The following SRP68 variants were observed in gnomAD, a reference collection of about 807,000 sequenced individuals.
SRP68 encodes signal recognition particle 68, also known as signal recognition particle subunit SRP68.
In SRP68, 15 loss-of-function variants were observed where a neutral mutation model predicts 82.2. That is an observed-to-expected ratio of 0.18 (90% CI 0.12 to 0.28). The LOEUF is 0.28. Ranked by LOEUF, SRP68 falls within the 10% of genes least tolerant of loss-of-function variation. The pLI, the probability that SRP68 is intolerant of heterozygous loss-of-function variation, is 1.00. For synonymous variants in SRP68, 261 were observed against 292.6 expected, an observed-to-expected ratio of 0.89 and a Z score of 1.10; for missense variants, 595 against 780.5, an observed-to-expected ratio of 0.76 and a Z score of 2.83.
In SRP68 at chr17:76,060,386, G is replaced by C; in HGVS notation, c.759C>G (p.Asp253Glu). Reference sequence around the variant, plus strand: ...GCATGAGTTCATTGATGGCTGACTGGTCCCCTAAGAGAGAAAGACAGGAAA... The same window carrying C: ...GCATGAGTTCATTGATGGCTGACTGCTCCCCTAAGAGAGAAAGACAGGAAA... ...NIRYCAYNIG[D>E]QSAINELMQM... The change falls in exon 7 of 16, where the codon GAC (aspartate) becomes GAG (glutamate). Residue 253 changes from aspartate (D) to glutamate (E), a missense_variant. Asp to Glu is a conservative substitution (Grantham distance 45). Around this residue, in one of 2 missense-constraint regions of SRP68, gnomAD observed 495 missense variants for 688.6 expected, o/e 0.72. Coordinates refer to ENST00000307877, the MANE Select transcript of SRP68 (RefSeq NM_014230.4). The C allele has an allele frequency of 6.2e-7, 1 of 1,611,452 alleles. No homozygotes were observed. The highest frequency in any genetic ancestry group is 8.5e-7 in the Non-Finnish European group (1 of 1,179,004).
In SRP68 at chr17:76,060,322, C is replaced by T. The variant is rs1213180559; in HGVS notation, c.823G>A (p.Ala275Thr). The change falls in exon 7 of 16, where the codon GCT becomes ACT. Residue 275 changes from alanine (A) to threonine (T), a missense_variant. By Grantham distance (58) the Ala-to-Thr change is moderately conservative (BLOSUM62 0). Around this residue, in one of 2 missense-constraint regions of SRP68, gnomAD observed 495 missense variants for 688.6 expected, o/e 0.72. Transcript: ENST00000307877. ...LRSGGTEGLLAEKLEALITQT... is the reference protein window; with the variant it reads ...LRSGGTEGLLTEKLEALITQT... Reference sequence around the variant, plus strand: ...TACTAGATTACCTCCAATTTTTCAGCCAAGAGACCCTCAGTGCCCCCAGAC... The same window carrying T: ...TACTAGATTACCTCCAATTTTTCAGTCAAGAGACCCTCAGTGCCCCCAGAC... The T allele has an allele frequency of 6.2e-7, 1 of 1,610,310 alleles. No homozygotes were observed. The highest frequency in any genetic ancestry group is 1.7e-5 in the Admixed American group (1 of 59,310).
chr17:76,065,873 C>A (rs1253421688), intron 3 of SRP68, among the ~76,000 whole-genome samples: 1 of 151,550 alleles, frequency 6.6e-6, no homozygotes, highest in East Asian at 1.9e-4. Flanking sequence ...AGATGAAAGT[C>A]AATGAGGTTC....
rs552142938 is a variant in SRP68 at position 76,042,028 on chromosome 17, C to T, written c.1525-1050G>A. Among the ~76,000 whole-genome samples the T allele has an allele frequency of 2.4e-3, 369 of 152,136 alleles. 2 individuals carry two copies. The highest frequency in any genetic ancestry group is 5.7e-3 in the African/African-American group (236 of 41,548). On this transcript the variant is annotated intron_variant, in intron 13 of 15. Transcript: ENST00000307877. ...CCTCCCGAGTAGCTGGGACCACAGG[C>T]GCCTGCCACCATGCCCGGCTAATTT...
At chr17:76,064,241 T>A in intron 3 of SRP68, 70 bp from the exon 4 acceptor site, 1 of 1,408,030 alleles carries the variant, frequency 7.1e-7, no homozygotes, top group Non-Finnish European at 9.8e-7. Flanking sequence ...TGAGGTGTAA[T>A]CTTCGGCTTC....
At chr17:76,049,964 T>C (rs987111277) in intron 9 of SRP68, among the ~76,000 whole-genome samples, 17 of 152,010 alleles carry the variant, frequency 1.1e-4, no homozygotes, top group Non-Finnish European at 2.2e-4. Context: ...TAGGAGACCT[T>C]TGCGGTTGCC....
At chr17:76,058,569 T>C (rs940064882) in intron 7 of SRP68, among the ~76,000 whole-genome samples, 3 of 152,206 alleles carry the variant, frequency 2.0e-5, no homozygotes, top group African/African-American at 7.2e-5. Flanking sequence ...CCAATTTCTA[T>C]TTGTTTTAAA....
chr17:76,042,045 G>A (rs1051194126), intron 13 of SRP68, among the ~76,000 whole-genome samples: 1 of 151,920 alleles, frequency 6.6e-6, no homozygotes, highest in Non-Finnish European at 1.5e-5. Context: ...CACCATGCCC[G>A]GCTAATTTTT....
chr17:76,060,490 C>T, intron 6 of SRP68, 100 bp from the exon 7 acceptor site: 2 of 752,730 alleles, frequency 2.7e-6, no homozygotes, highest in Admixed American at 2.4e-5. Flanking sequence ...CCTCCACATG[C>T]TACTTCAATG....
At chr17:76,061,294 A>G in intron 5 of SRP68, 75 bp from the exon 6 acceptor site, 1 of 1,106,488 alleles carries the variant, frequency 9.0e-7, no homozygotes, top group East Asian at 2.3e-5. Context: ...GTGACTAAAA[A>G]CAAATTATGG....
chr17:76,062,638 A>G lies in SRP68; in HGVS notation c.562-1064T>C, dbSNP rs1173972379. 1.3e-4 allele frequency among the ~76,000 whole-genome samples: 10 copies of G among 76,142 alleles called. 1 individual carries two copies. The highest frequency in any genetic ancestry group is 9.1e-4 in the African/African-American group (9 of 9,886). 50.0% of individuals were successfully genotyped at this position (76,142 alleles called of 152,430 possible). On this transcript the variant is annotated intron_variant, in intron 4 of 15. Transcript: ENST00000307877. Reference sequence around the variant, plus strand: ...TAATATATAATATACATTATATATTATATAATATACATTATATATTATATA... The same window carrying G: ...TAATATATAATATACATTATATATTGTATAATATACATTATATATTATATA...
At chr17:76,065,437 CAAAAA>C (rs11338515) in intron 3 of SRP68, among the ~76,000 whole-genome samples, 6 of 79,028 alleles carry the variant, frequency 7.6e-5, no homozygotes, top group Admixed American at 1.4e-4. Context: ...GACCCTGTCT[CAAAAA>C]AAAAAAAAAA....
intron 2 of SRP68, 76 bp from the exon 3 acceptor site, chr17:76,067,406 G>T: frequency 1.0e-6 from 1 of 974,538 alleles, no homozygotes; most frequent in South Asian, 1.4e-5. Context: ...AATAAGGCAA[G>T]GTCAAGGGTC....
intron 8 of SRP68, among the ~76,000 whole-genome samples, chr17:76,052,225 G>A (rs992076936): frequency 5.3e-5 from 8 of 152,146 alleles, no homozygotes; most frequent in Non-Finnish European, 8.8e-5. Flanking sequence ...TGTGTTGAGC[G>A]GCTACTGCAC....
chr17:76,054,755 G>A (rs955900549), intron 8 of SRP68, among the ~76,000 whole-genome samples: 2 of 151,840 alleles, frequency 1.3e-5, no homozygotes, highest in African/African-American at 2.4e-5. Context: ...CCCGGGACAC[G>A]GAGGTTGCAG....
chr17:76,070,279 T>G, intron 2 of SRP68, 99 bp downstream of exon 2: 1 of 920,504 alleles, frequency 1.1e-6, no homozygotes, highest in Non-Finnish European at 1.7e-6. Flanking sequence ...TGCTCTAGAC[T>G]TTCTAGCATA....
chr17:76,042,078 G>A (rs2144479969), intron 13 of SRP68, among the ~76,000 whole-genome samples: 1 of 152,046 alleles, frequency 6.6e-6, no homozygotes. Flanking sequence ...TAGAGGTGGG[G>A]TTTCACTATG....
intron 3 of SRP68, among the ~76,000 whole-genome samples, chr17:76,066,439 G>C (rs2066806972): frequency 8.1e-6 from 1 of 122,742 alleles, no homozygotes; most frequent in African/African-American, 4.0e-5. Context: ...AACAGAGTGA[G>C]ACTCCGTCTC....
At chr17:76,042,265 AC>A (rs2066596913) in intron 13 of SRP68, among the ~76,000 whole-genome samples, 2 of 152,022 alleles carry the variant, frequency 1.3e-5, no homozygotes, top group Non-Finnish European at 2.9e-5. Flanking sequence ...CAAGTTCTAT[AC>A]CATCACAGCA....
intron 7 of SRP68, among the ~76,000 whole-genome samples, 179 bp downstream of exon 7, chr17:76,060,125 CAAAA>C (rs1168111688): frequency 1.4e-4 from 4 of 28,790 alleles, no homozygotes; most frequent in Non-Finnish European, 2.5e-4. Flanking sequence ...GACTCCATCT[CAAAA>C]AAAAAAAAAA....
Sources: allele counts gnomAD v4.1 joint callset (sites outside exome capture counted in the v4.1 genomes callset), GRCh38; gene constraint gnomAD v4.1.1; regional missense constraint gnomAD v4.1.1; transcripts MANE v1.5; gene names NCBI Gene and HGNC (gene_info 2026-07-23, HGNC 2026-07-21).